Variants in UBL3 observed in about 807,000 individuals in gnomAD.
UBL3 encodes ubiquitin-like protein 3.
In UBL3, 6 loss-of-function variants were observed where a neutral mutation model predicts 18.4. That is an observed-to-expected ratio of 0.33 (90% CI 0.18 to 0.64). UBL3 has a LOEUF of 0.64. Ranked by LOEUF, UBL3 falls within the 30% of genes least tolerant of loss-of-function variation. UBL3 has a pLI of 0.76. For missense variants in UBL3, 109 were observed against 142.9 expected (o/e 0.76, Z 1.21); for synonymous variants, 49 against 46.6 (o/e 1.05, Z -0.21).
intron 1 of UBL3, among the ~76,000 whole-genome samples, chr13:29,843,347 T>C (rs371017945): frequency 1.3e-5 from 2 of 152,300 alleles, no homozygotes; most frequent in South Asian, 4.1e-4. Context: ...TTTTAATCTT[T>C]CAATCACTAA....
chr13:29,789,698 T>G lies in UBL3; in HGVS notation c.28-12435A>C, dbSNP rs185950742. On this transcript the variant is annotated intron_variant, in intron 1 of 4. Coordinates refer to ENST00000380680, the MANE Select transcript of UBL3 (RefSeq NM_007106.4). Reference sequence around the variant, plus strand: ...TCACTGAAATTCAAGTTTATTTGCTTTTTTTCAAATATGTTGGGCATAATG... The same window carrying G: ...TCACTGAAATTCAAGTTTATTTGCTGTTTTTCAAATATGTTGGGCATAATG... Among the ~76,000 whole-genome samples the G allele has an allele frequency of 2.6e-5, 4 of 152,356 alleles. No individual in the cohort carries two copies. In the East Asian group the frequency reaches 7.7e-4, roughly 29 times the overall value.
chr13:29,809,383 T>A (rs572072910), intron 1 of UBL3, among the ~76,000 whole-genome samples: 2 of 151,970 alleles, frequency 1.3e-5, no homozygotes, highest in South Asian at 4.2e-4. Flanking sequence ...TTGGCACATC[T>A]GAGGAAAAAA....
chr13:29,790,312 C>T (rs1233122383), intron 1 of UBL3, among the ~76,000 whole-genome samples: 3 of 152,154 alleles, frequency 2.0e-5, no homozygotes, highest in Admixed American at 6.5e-5. Flanking sequence ...AAATCCAATG[C>T]TCTAATTTCT....
intron 1 of UBL3, among the ~76,000 whole-genome samples, chr13:29,847,112 C>G (rs1207192890): frequency 6.6e-6 from 1 of 152,150 alleles, no homozygotes; most frequent in Non-Finnish European, 1.5e-5. Context: ...TGTTATATTT[C>G]AAAAAGTTGA....
chr13:29,779,807 C>T (rs1054225362), intron 1 of UBL3, among the ~76,000 whole-genome samples: 1 of 152,120 alleles, frequency 6.6e-6, no homozygotes, highest in African/African-American at 2.4e-5. Context: ...CTCGCATCTC[C>T]CCAAAATCTG....
intron 1 of UBL3, among the ~76,000 whole-genome samples, chr13:29,812,075 A>G (rs1407739859): frequency 6.6e-6 from 1 of 152,038 alleles, no homozygotes; most frequent in Non-Finnish European, 1.5e-5. Context: ...ATCAATTTGT[A>G]AAAGGCCTAG....
intron 3 of UBL3, among the ~76,000 whole-genome samples, chr13:29,768,206 G>T (rs1876743978): frequency 6.6e-6 from 1 of 151,984 alleles, no homozygotes; most frequent in Non-Finnish European, 1.5e-5. Flanking sequence ...TTCTTAAAAA[G>T]ATTAGGTTAA....
chr13:29,823,581 T>C (rs1426738789), intron 1 of UBL3, among the ~76,000 whole-genome samples: 2 of 152,196 alleles, frequency 1.3e-5, no homozygotes, highest in Non-Finnish European at 2.9e-5. Context: ...AAAGAATAAA[T>C]GTCATTAATT....
chr13:29,825,723 C>T (rs1878598961), intron 1 of UBL3, among the ~76,000 whole-genome samples: 1 of 152,144 alleles, frequency 6.6e-6, no homozygotes, highest in Admixed American at 6.5e-5. Flanking sequence ...CCAGAAATTC[C>T]AACACTATGT....
intron 1 of UBL3, among the ~76,000 whole-genome samples, chr13:29,811,134 G>A (rs766302192): frequency 5.3e-5 from 8 of 151,988 alleles, no homozygotes; most frequent in Non-Finnish European, 8.8e-5. Context: ...TTTGGACCAT[G>A]GGGAGGAAAT....
chr13:29,782,305 C>T (rs1277061352), intron 1 of UBL3, among the ~76,000 whole-genome samples: 2 of 152,020 alleles, frequency 1.3e-5, no homozygotes, highest in African/African-American at 2.4e-5. Flanking sequence ...ACATACTGTA[C>T]TCCATAAATT....
chr13:29,833,872 G>C (rs1209400061), intron 1 of UBL3, among the ~76,000 whole-genome samples: 1 of 152,156 alleles, frequency 6.6e-6, no homozygotes, highest in Non-Finnish European at 1.5e-5. Context: ...TGACACATAG[G>C]AGGTACTCAA....
Position 29,785,256 on chromosome 13 carries a change from T to C in UBL3, c.28-7993A>G, listed in dbSNP as rs548656093. 3.3e-5 allele frequency among the ~76,000 whole-genome samples: 5 copies of C among 152,316 alleles called. No homozygotes were observed. The South Asian group carries it at 6.2e-4, about 19-fold the overall frequency. ...TACTGCACTGTGATTATGTAAGATG[T>C]TACCATTAGGGAAAACTGGGTGAAC... On this transcript the variant is annotated intron_variant, in intron 1 of 4. Coordinates refer to ENST00000380680, the MANE Select transcript of UBL3 (RefSeq NM_007106.4).
intron 1 of UBL3, among the ~76,000 whole-genome samples, chr13:29,847,553 C>T (rs2139373160): frequency 6.6e-6 from 1 of 152,340 alleles, no homozygotes; most frequent in South Asian, 2.1e-4. Context: ...TTTCCCAAAT[C>T]ATCTCAATCT....
intron 1 of UBL3, among the ~76,000 whole-genome samples, chr13:29,802,664 G>C (rs1054462365): frequency 1.3e-5 from 2 of 152,186 alleles, no homozygotes; most frequent in East Asian, 1.9e-4. Context: ...TAATGCAATT[G>C]CAAGTATTAA....
At chr13:29,832,311 T>C (rs1878797310) in intron 1 of UBL3, among the ~76,000 whole-genome samples, 1 of 151,352 alleles carries the variant, frequency 6.6e-6, no homozygotes, top group Non-Finnish European at 1.5e-5. Flanking sequence ...TTAGCTAAGA[T>C]TCCAATCCTT....
intron 1 of UBL3, among the ~76,000 whole-genome samples, chr13:29,831,189 A>C (rs1468525920): frequency 6.6e-6 from 1 of 152,176 alleles, no homozygotes; most frequent in African/African-American, 2.4e-5. Flanking sequence ...ACAAAAATTT[A>C]TACTTTTTAG....
chr13:29,831,826 A>C (rs996806872), intron 1 of UBL3, among the ~76,000 whole-genome samples: 1 of 152,174 alleles, frequency 6.6e-6, no homozygotes, highest in African/African-American at 2.4e-5. Flanking sequence ...AACAAACAAA[A>C]AAACAAAAAA....
intron 1 of UBL3, among the ~76,000 whole-genome samples, chr13:29,825,458 G>A (rs1378080209): frequency 6.6e-6 from 1 of 152,062 alleles, no homozygotes; most frequent in African/African-American, 2.4e-5. Context: ...TATTCTCTTT[G>A]AAGCAATTGT....
Sources: allele counts gnomAD v4.1 joint callset (sites outside exome capture counted in the v4.1 genomes callset), GRCh38; gene constraint gnomAD v4.1.1; transcripts MANE v1.5; gene names NCBI Gene and HGNC (gene_info 2026-07-23, HGNC 2026-07-21).